The following PPP1R12A variants were observed in gnomAD, a reference collection of about 807,000 sequenced individuals.
PPP1R12A encodes the protein protein phosphatase 1 regulatory subunit 12A.
A neutral mutation model predicts 139.6 loss-of-function variants in PPP1R12A; 19 were observed. The observed-to-expected ratio is 0.14, with a 90% CI of 0.09 to 0.20. The LOEUF (loss-of-function observed/expected upper bound fraction) is 0.20. Ranked by LOEUF, PPP1R12A falls within the 10% of genes least tolerant of loss-of-function variation. PPP1R12A has a pLI of 1.00. For missense variants in PPP1R12A, 925 were observed against 1,211.5 expected (o/e 0.76, Z 3.51); for synonymous variants, 427 against 420.6 (o/e 1.02, Z -0.19).
At chr12:79,886,573 C>T (rs951984814) in intron 1 of PPP1R12A, among the ~76,000 whole-genome samples, 9 of 151,924 alleles carry the variant, frequency 5.9e-5, no homozygotes, top group Non-Finnish European at 1.0e-4. Context: ...AAAGTTGAGG[C>T]TTATATATAG....
At chr12:79,882,064 AG>A (rs1363482275) in intron 1 of PPP1R12A, among the ~76,000 whole-genome samples, 2 of 152,206 alleles carry the variant, frequency 1.3e-5, no homozygotes, top group Non-Finnish European at 2.9e-5. Context: ...TGGTCACCCA[AG>A]GGGTCTGATG....
At position 79,926,440 on chromosome 12, in the gene PPP1R12A, C is replaced by A. The variant is rs1887846285; in HGVS notation, c.237+8255G>T. Among the ~76,000 whole-genome samples the A allele has an allele frequency of 2.0e-5, 3 of 152,288 alleles. No individual in the cohort carries two copies. The South Asian group carries it at 6.2e-4, about 32-fold the overall frequency. On this transcript the variant is annotated intron_variant, in intron 1 of 24. Transcript: ENST00000450142. ...TCCTGAGCTCAGGTGATCCGCCTGC[C>A]TAGGCCTCCCAAAGTGCTAGGACTA... is the stretch of plus-strand genomic sequence containing the variant.
At position 79,832,314 on chromosome 12, in the gene PPP1R12A, G is replaced by C. The variant is rs1421736183; in HGVS notation, c.647+18C>G. The stretch of plus-strand genomic sequence containing the variant: ...AGACAAACTAAAATAGAAAAACTCT[G>C]TAAAAAACAATACTTACTTTAAAAC... On this transcript the variant is annotated intron_variant, in intron 4 of 24. Coordinates refer to ENST00000450142, the MANE Select transcript of PPP1R12A (RefSeq NM_002480.3). The C allele has an allele frequency of 6.3e-7, 1 of 1,580,864 alleles. No individual in the cohort carries two copies. Among genetic ancestry groups the C allele is most frequent in the Non-Finnish European group, 8.6e-7 (1 of 1,167,698 alleles).
At chr12:79,880,518 T>C (rs992456567) in intron 1 of PPP1R12A, among the ~76,000 whole-genome samples, 7 of 152,238 alleles carry the variant, frequency 4.6e-5, no homozygotes, top group Admixed American at 4.6e-4. Flanking sequence ...AACCTCTTTT[T>C]ACCTCAACAG....
At chr12:79,904,771 C>G (rs992530285) in intron 1 of PPP1R12A, among the ~76,000 whole-genome samples, 5 of 152,130 alleles carry the variant, frequency 3.3e-5, no homozygotes, top group African/African-American at 1.2e-4. Flanking sequence ...TGAAAGGCAA[C>G]AGCACTAGGT....
intron 1 of PPP1R12A, among the ~76,000 whole-genome samples, chr12:79,909,475 G>T (rs1012897531): frequency 1.3e-5 from 2 of 152,038 alleles, no homozygotes; most frequent in African/African-American, 4.8e-5. Flanking sequence ...GGTGGCTCAC[G>T]TCTGTAATCC....
intron 2 of PPP1R12A, among the ~76,000 whole-genome samples, chr12:79,872,036 G>T (rs908729034): frequency 2.0e-5 from 3 of 152,054 alleles, no homozygotes; most frequent in African/African-American, 7.2e-5. Flanking sequence ...TTGAAATTGA[G>T]ATATTGTATC....
chr12:79,875,400 G>GT (rs1365217532), intron 1 of PPP1R12A, among the ~76,000 whole-genome samples: 4 of 152,306 alleles, frequency 2.6e-5, no homozygotes, highest in African/African-American at 9.6e-5. Flanking sequence ...TTGGTGAAAG[G>GT]TTTTTTCCGT....
At chr12:79,926,168 A>C (rs1373136195) in intron 1 of PPP1R12A, among the ~76,000 whole-genome samples, 1 of 152,166 alleles carries the variant, frequency 6.6e-6, no homozygotes, top group Non-Finnish European at 1.5e-5. Flanking sequence ...ATCTCATTTC[A>C]AAAATAAATC....
At chr12:79,822,562 A>G (rs913700862) in intron 5 of PPP1R12A, among the ~76,000 whole-genome samples, 1 of 152,168 alleles carries the variant, frequency 6.6e-6, no homozygotes, top group African/African-American at 2.4e-5. Flanking sequence ...ACCCTTTAGT[A>G]GTCACTGTCT....
At chr12:79,777,263 T>C in intron 24 of PPP1R12A, 1 of 966,812 alleles carries the variant, frequency 1.0e-6, no homozygotes, top group South Asian at 4.8e-5. Context: ...CTAAAAAATG[T>C]GCAAAAGCTT....
chr12:79,861,770 T>A (rs1371417031), intron 2 of PPP1R12A, among the ~76,000 whole-genome samples: 1 of 152,132 alleles, frequency 6.6e-6, no homozygotes, highest in African/African-American at 2.4e-5. Flanking sequence ...CTGCCATTGC[T>A]GGGCTTGAGT....
chr12:79,859,368 AAC>A lies in PPP1R12A; in HGVS notation c.368+13438_368+13439del, dbSNP rs1359033476. The stretch of plus-strand genomic sequence containing the variant: ...AAAAAAAGAAAGAAAAAAAAAAAAA[AAC>A]AACAGTGCTCAGGATCAAAGAGAGA... On this transcript the variant is annotated intron_variant, in intron 2 of 24. Coordinates refer to ENST00000450142, the MANE Select transcript of PPP1R12A (RefSeq NM_002480.3). Among the ~76,000 whole-genome samples, 361 of 150,392 alleles carry A rather than the reference AAC, an allele frequency of 2.4e-3. 11 individuals are homozygous for A. Among genetic ancestry groups the A allele is most frequent in the African/African-American group, 6.6e-3 (271 of 41,192 alleles).
At chr12:79,906,405 ATAGAG>A (rs538803730) in intron 1 of PPP1R12A, among the ~76,000 whole-genome samples, 6 of 152,116 alleles carry the variant, frequency 3.9e-5, no homozygotes, top group African/African-American at 1.2e-4. Context: ...ATATATTAAC[ATAGAG>A]TAAAGGGCTG....
intron 2 of PPP1R12A, among the ~76,000 whole-genome samples, chr12:79,866,701 A>C (rs1475327307): frequency 6.6e-6 from 1 of 152,246 alleles, no homozygotes; most frequent in Non-Finnish European, 1.5e-5. Flanking sequence ...TTATGCAGCC[A>C]ACAGACATAT....
chr12:79,803,399 C>T (rs1873436735), intron 14 of PPP1R12A, among the ~76,000 whole-genome samples: 2 of 152,214 alleles, frequency 1.3e-5, no homozygotes, highest in South Asian at 2.1e-4. Context: ...TTTATCATTG[C>T]TGTATCACAC....
In PPP1R12A at chr12:79,935,081, G is replaced by GT; in HGVS notation, c.-151dup. ...CCGGAGCCGACGCTCGAGACTTCCAGTATCCCACAGAGCACTGGGGCGGCG... is the reference window on the plus strand; with the variant it reads ...CCGGAGCCGACGCTCGAGACTTCCAGTTATCCCACAGAGCACTGGGGCGGCG... On this transcript the variant is annotated 5_prime_UTR_variant, in exon 1 of 25. Transcript: ENST00000450142. The GT allele has an allele frequency of 7.1e-7, 1 of 1,405,060 alleles. No homozygotes were observed. The highest frequency in any genetic ancestry group is 9.2e-7 in the Non-Finnish European group (1 of 1,082,154). 87.0% of individuals were successfully genotyped at this position (1,405,060 alleles called of 1,614,324 possible). A position where few individuals can be genotyped will look rare whatever the true frequency, so the allele number is the denominator to read the frequency against.
At chr12:79,833,670 CAAAA>C (rs35159522) in intron 3 of PPP1R12A, among the ~76,000 whole-genome samples, 2 of 133,750 alleles carry the variant, frequency 1.5e-5, no homozygotes, top group Non-Finnish European at 1.6e-5. Flanking sequence ...ACTAAAAATA[CAAAA>C]AAAAAAAAAA....
At chr12:79,857,993 C>T (rs1022155852) in intron 2 of PPP1R12A, among the ~76,000 whole-genome samples, 3 of 152,224 alleles carry the variant, frequency 2.0e-5, no homozygotes, top group Non-Finnish European at 2.9e-5. Flanking sequence ...TATTAGTATA[C>T]AAGGATATAA....
Sources: allele counts gnomAD v4.1 joint callset (sites outside exome capture counted in the v4.1 genomes callset), GRCh38; gene constraint gnomAD v4.1.1; transcripts MANE v1.5; gene names NCBI Gene and HGNC (gene_info 2026-07-23, HGNC 2026-07-21).